Variants in BDKRB2 observed in about 807,000 individuals in gnomAD.
The protein encoded by BDKRB2 is B2 bradykinin receptor.
BDKRB2 carries 6 observed loss-of-function variants against 4.0 expected under a neutral mutation model. The observed-to-expected ratio is 1.49, with a 90% CI of 0.81 to 2.93. The LOEUF (loss-of-function observed/expected upper bound fraction) is 2.93, where lower values mean the gene tolerates loss of function less well. Among genes scored for constraint, BDKRB2 ranks in the 30% most tolerant of loss-of-function variants. The pLI, the probability that BDKRB2 is intolerant of heterozygous loss-of-function variation, is 0.00. For synonymous variants in BDKRB2, 225 were observed against 215.3 expected (o/e 1.05, Z -0.40); for missense variants, 478 against 520.1 (o/e 0.92, Z 0.79).
chr14:96,222,375 C>A (rs1347480827), intron 1 of BDKRB2, among the ~76,000 whole-genome samples: 3 of 151,942 alleles, frequency 2.0e-5, no homozygotes, highest in African/African-American at 7.3e-5. Flanking sequence ...CAATCTCCAG[C>A]CCCTCTTCCC....
At chr14:96,214,758 C>T (rs1454806283) in intron 1 of BDKRB2, 5 of 152,132 alleles carry the variant, frequency 3.3e-5, no homozygotes, top group Non-Finnish European at 1.5e-5. Flanking sequence ...AGGGGTGAGA[C>T]GAGACAGTGT....
At chr14:96,238,896 C>T in intron 2 of BDKRB2, 1 of 986,416 alleles carries the variant, frequency 1.0e-6, no homozygotes, top group Non-Finnish European at 1.2e-6. Flanking sequence ...CGGGTGGTGT[C>T]TTCTTTGTGT....
chr14:96,209,553 G>T lies in BDKRB2; in HGVS notation c.-40+4594G>T, dbSNP rs564863599. On this transcript the variant is annotated intron_variant, in intron 1 of 2. Coordinates refer to ENST00000554311, the MANE Select transcript of BDKRB2 (RefSeq NM_001379692.1). ...GGAAAGAAGGAAAAATCGGGGGAAGGTGGCCAAAAGAGGCAAGCAGTTGCA... is the reference window on the plus strand; with the variant it reads ...GGAAAGAAGGAAAAATCGGGGGAAGTTGGCCAAAAGAGGCAAGCAGTTGCA... Among the ~76,000 whole-genome samples, 4 of 152,294 alleles carry T rather than the reference G, an allele frequency of 2.6e-5. No individual in the cohort carries two copies. The South Asian group carries it at 8.3e-4, about 32-fold the overall frequency.
chr14:96,207,242 A>G (rs1031692644), intron 1 of BDKRB2, among the ~76,000 whole-genome samples: 1 of 152,220 alleles, frequency 6.6e-6, no homozygotes, highest in African/African-American at 2.4e-5. Flanking sequence ...TGGATGGATC[A>G]GTGTTTGCTG....
intron 1 of BDKRB2, among the ~76,000 whole-genome samples, chr14:96,227,731 A>T (rs1276462161): frequency 1.3e-5 from 2 of 152,210 alleles, no homozygotes. Flanking sequence ...ATGCGTGCAC[A>T]CTGTGGCTAC....
At chr14:96,236,281 C>T (rs554395496) in intron 1 of BDKRB2, among the ~76,000 whole-genome samples, 7 of 152,142 alleles carry the variant, frequency 4.6e-5, no homozygotes, top group Non-Finnish European at 7.3e-5. Flanking sequence ...TGCTCCAGTC[C>T]AGACCCCTCC....
intron 1 of BDKRB2, among the ~76,000 whole-genome samples, chr14:96,229,901 G>T (rs1310881837): frequency 6.6e-6 from 1 of 152,146 alleles, no homozygotes; most frequent in Non-Finnish European, 1.5e-5. Flanking sequence ...GGCCGAGGCA[G>T]GTGGATCATG....
chr14:96,223,316 G>A (rs535270532), intron 1 of BDKRB2: 18 of 1,058,850 alleles, frequency 1.7e-5, no homozygotes, highest in East Asian at 7.1e-5. Context: ...TTGCTGTTCC[G>A]GCGCCCACCA....
intron 2 of BDKRB2, chr14:96,239,861 G>A: frequency 1.0e-6 from 1 of 985,474 alleles, no homozygotes; most frequent in Non-Finnish European, 1.2e-6. Context: ...GCTGATAGAA[G>A]GTACGGAAAT....
chr14:96,221,323 G>A (rs926950199), intron 1 of BDKRB2, among the ~76,000 whole-genome samples: 1 of 152,142 alleles, frequency 6.6e-6, no homozygotes, highest in East Asian at 1.9e-4. Context: ...TGTAAACAGG[G>A]AAATGCTCTG....
intron 1 of BDKRB2, among the ~76,000 whole-genome samples, chr14:96,207,191 A>G (rs1167015623): frequency 1.3e-5 from 2 of 152,184 alleles, no homozygotes; most frequent in Non-Finnish European, 2.9e-5. Context: ...CTATCCGCTC[A>G]AGCTGCCTCC....
chr14:96,206,380 G>T (rs557277393), intron 1 of BDKRB2, among the ~76,000 whole-genome samples: 32 of 152,268 alleles, frequency 2.1e-4, no homozygotes, highest in Admixed American at 7.2e-4. Flanking sequence ...CTCAGAGGGG[G>T]AACATGACCT....
intron 1 of BDKRB2, among the ~76,000 whole-genome samples, chr14:96,228,460 C>T (rs1045682441): frequency 3.3e-5 from 5 of 152,076 alleles, no homozygotes; most frequent in Non-Finnish European, 7.4e-5. Context: ...GGCTCTTAGT[C>T]GGGTGGGGAG....
Position 96,243,877 on chromosome 14 carries a change from A to G in BDKRB2, c.*2373A>G, listed in dbSNP as rs1885372449. 3.2e-6 allele frequency: 1 copy of G among 313,560 alleles called. No individual in the cohort carries two copies. Among genetic ancestry groups the G allele is most frequent in the African/African-American group, 2.1e-5 (1 of 46,716 alleles). The allele number at this position is 313,560 out of a possible 1,614,324, so 19.4% of individuals were successfully genotyped here. On this transcript the variant is annotated 3_prime_UTR_variant, in exon 3 of 3. Coordinates refer to ENST00000554311, the MANE Select transcript of BDKRB2 (RefSeq NM_001379692.1). ...AAAAAGAGGCTGTGTTTTGTCACAC[A>G]GGGCAGTCATTCAGCACCAGAGCAC...
chr14:96,226,438 G>C (rs1890699509), intron 1 of BDKRB2, among the ~76,000 whole-genome samples: 1 of 152,164 alleles, frequency 6.6e-6, no homozygotes, highest in African/African-American at 2.4e-5. Context: ...CGGATTACCT[G>C]AGGTCGGGAG....
In BDKRB2 at chr14:96,204,878, ACGGTGG is replaced by A. The variant is rs761899035; in HGVS notation, c.-120_-115del. 2.2e-4 allele frequency: 19 copies of A among 87,014 alleles called. No individual in the cohort carries two copies. In the South Asian group the frequency reaches 2.7e-3, roughly 12 times the overall value. The allele number at this position is 87,014 out of a possible 1,614,324, so 5.4% of individuals were successfully genotyped here. On this transcript the variant is annotated 5_prime_UTR_variant, in exon 1 of 3. Transcript: ENST00000554311. ...TTCTGGGCTCCGAGGAGGGGTGGGGACGGTGGGGACGGTGGGGACATCAGGCTGCCC... is the reference window on the plus strand; with the variant it reads ...TTCTGGGCTCCGAGGAGGGGTGGGGAGGACGGTGGGGACATCAGGCTGCCC...
chr14:96,236,592 G>A (rs919629931), intron 1 of BDKRB2, among the ~76,000 whole-genome samples: 1 of 152,100 alleles, frequency 6.6e-6, no homozygotes, highest in African/African-American at 2.4e-5. Flanking sequence ...CGAAGCTAAT[G>A]GGCTAACTGG....
intron 1 of BDKRB2, among the ~76,000 whole-genome samples, chr14:96,219,261 C>A (rs544857887): frequency 6.6e-6 from 1 of 152,226 alleles, no homozygotes; most frequent in South Asian, 2.1e-4. Flanking sequence ...AAGATTGCGC[C>A]ATTGCACTCC....
chr14:96,215,407 G>C (rs538545277), intron 1 of BDKRB2, among the ~76,000 whole-genome samples: 8 of 151,706 alleles, frequency 5.3e-5, no homozygotes, highest in African/African-American at 1.2e-4. Context: ...TCTTCTGCAT[G>C]ATGAGGAACA....
Sources: gnomAD v4.1 joint callset for allele counts (sites outside exome capture counted in the v4.1 genomes callset) on GRCh38, gnomAD v4.1.1 for gene constraint, MANE v1.5 for transcripts, NCBI Gene and HGNC (gene_info 2026-07-23, HGNC 2026-07-21) for gene names.